Variants in ARFIP1 observed in about 807,000 individuals in gnomAD.
ARFIP1 encodes the protein ARF interacting protein 1.
A neutral mutation model predicts 42.5 loss-of-function variants in ARFIP1; 24 were observed. The ratio of observed to expected loss-of-function variants is 0.57; its 90% CI spans 0.41 to 0.80. ARFIP1 has a LOEUF of 0.80. ARFIP1 is among the 30% of genes least tolerant of loss of function. The probability of loss-of-function intolerance (pLI) is 0.00; values close to 1 mark genes in which losing one functional copy is unlikely to be tolerated. For missense variants in ARFIP1, 354 were observed against 434.0 expected, an observed-to-expected ratio of 0.82 and a Z score of 1.64; for synonymous variants, 141 against 153.7, an observed-to-expected ratio of 0.92 and a Z score of 0.61.
At chr4:152,833,826 G>C (rs2149849595) in intron 2 of ARFIP1, among the ~76,000 whole-genome samples, 1 of 152,338 alleles carries the variant, frequency 6.6e-6, no homozygotes, top group Non-Finnish European at 1.5e-5. Flanking sequence ...GAATCTTAAA[G>C]TTGAATTCAT....
intron 2 of ARFIP1, among the ~76,000 whole-genome samples, chr4:152,834,438 GTTA>G (rs1731488333): frequency 6.6e-6 from 1 of 152,168 alleles, no homozygotes; most frequent in African/African-American, 2.4e-5. Context: ...CCAAAAACAA[GTTA>G]TTTACTCCCA....
At chr4:152,820,282 A>G (rs967349454) in intron 1 of ARFIP1, among the ~76,000 whole-genome samples, 7 of 152,098 alleles carry the variant, frequency 4.6e-5, no homozygotes, top group South Asian at 2.1e-4. Flanking sequence ...TCCTACTGGC[A>G]TAAACCCTGA....
chr4:152,833,338 A>T (rs927965201), intron 2 of ARFIP1, among the ~76,000 whole-genome samples: 1 of 152,180 alleles, frequency 6.6e-6, no homozygotes, highest in Non-Finnish European at 1.5e-5. Flanking sequence ...CCTCAGTGAG[A>T]TATCAGTTCA....
At chr4:152,853,957 C>G (rs1733213134) in intron 2 of ARFIP1, among the ~76,000 whole-genome samples, 1 of 125,982 alleles carries the variant, frequency 7.9e-6, no homozygotes, top group Non-Finnish European at 1.6e-5. Flanking sequence ...ATCACCCAGG[C>G]TGGAGTGCAG....
intron 2 of ARFIP1, among the ~76,000 whole-genome samples, chr4:152,855,647 C>T (rs1002856720): frequency 1.1e-4 from 16 of 152,216 alleles, no homozygotes; most frequent in Admixed American, 8.5e-4. Flanking sequence ...GGCACCTTGC[C>T]GTATCTGCTT....
chr4:152,815,803 G>A (rs887570085), intron 1 of ARFIP1, among the ~76,000 whole-genome samples: 2 of 146,590 alleles, frequency 1.4e-5, no homozygotes, highest in Admixed American at 6.8e-5. Context: ...GGAGTGCAGT[G>A]GAGGGATCTC....
intron 1 of ARFIP1, among the ~76,000 whole-genome samples, chr4:152,806,804 T>C (rs897818658): frequency 6.7e-6 from 1 of 149,978 alleles, no homozygotes; most frequent in Non-Finnish European, 1.5e-5. Context: ...GCCTGACTTT[T>C]TTTTTTTTAG....
At chr4:152,861,139 T>C (rs1733857037) in intron 2 of ARFIP1, among the ~76,000 whole-genome samples, 1 of 152,202 alleles carries the variant, frequency 6.6e-6, no homozygotes, top group African/African-American at 2.4e-5. Context: ...TTCTAATAAA[T>C]GTTCATGGTT....
intron 1 of ARFIP1, among the ~76,000 whole-genome samples, chr4:152,813,310 G>A (rs980901890): frequency 3.3e-5 from 5 of 152,082 alleles, no homozygotes; most frequent in Non-Finnish European, 5.9e-5. Context: ...TGGGGAGTGT[G>A]GGCTGGGGGG....
At chr4:152,886,001 T>C (rs936113061) in intron 7 of ARFIP1, among the ~76,000 whole-genome samples, 7 of 152,030 alleles carry the variant, frequency 4.6e-5, no homozygotes, top group Admixed American at 2.0e-4. Flanking sequence ...AGCTCAAGAA[T>C]AGAGCCAAAA....
intron 2 of ARFIP1, among the ~76,000 whole-genome samples, chr4:152,832,358 T>A (rs1382462710): frequency 6.6e-6 from 1 of 152,254 alleles, no homozygotes; most frequent in Non-Finnish European, 1.5e-5. Context: ...TTCATATTCT[T>A]ATTGACCATT....
At chr4:152,825,973 C>T (rs1316610372) in intron 1 of ARFIP1, among the ~76,000 whole-genome samples, 5 of 151,960 alleles carry the variant, frequency 3.3e-5, no homozygotes, top group Non-Finnish European at 5.9e-5. Context: ...TTACCCCACC[C>T]AGAATGGCCA....
intron 1 of ARFIP1, among the ~76,000 whole-genome samples, chr4:152,801,265 G>A (rs1484798973): frequency 6.6e-6 from 1 of 152,192 alleles, no homozygotes; most frequent in Admixed American, 6.5e-5. Flanking sequence ...AGGAGTTGAT[G>A]TTTGAGCAGA....
intron 1 of ARFIP1, among the ~76,000 whole-genome samples, chr4:152,811,034 A>G (rs1729411544): frequency 6.8e-6 from 1 of 147,450 alleles, no homozygotes; most frequent in South Asian, 2.1e-4. Flanking sequence ...GAAATTGGCC[A>G]CTGTAGAAGT....
intron 2 of ARFIP1, among the ~76,000 whole-genome samples, chr4:152,859,946 G>A (rs1733753066): frequency 6.6e-6 from 1 of 151,014 alleles, no homozygotes; most frequent in Non-Finnish European, 1.5e-5. Context: ...AATAAGGGTG[G>A]AAATACTTAT....
chr4:152,873,614 A>G (rs1394986444), intron 5 of ARFIP1, among the ~76,000 whole-genome samples: 1 of 152,192 alleles, frequency 6.6e-6, no homozygotes, highest in Non-Finnish European at 1.5e-5. Flanking sequence ...CTGATTCCAC[A>G]TAGCCAGTCA....
Position 152,910,287 on chromosome 4 carries a change from C to A in ARFIP1, c.*68C>A, listed in dbSNP as rs989680570. ...CTAAACCAACCTAACAAGAATTAAG[C>A]AGAGTTGGGGGAAGTGGGAGGGGTG... On this transcript the variant is annotated 3_prime_UTR_variant, in exon 9 of 9. Coordinates refer to ENST00000353617, the MANE Select transcript of ARFIP1 (RefSeq NM_001025595.3). The A allele has an allele frequency of 2.6e-6, 4 of 1,538,432 alleles. 1 individual carries two copies.
intron 8 of ARFIP1, among the ~76,000 whole-genome samples, chr4:152,909,718 ATTTTCCCT>A (rs1488544334): frequency 6.6e-6 from 1 of 152,208 alleles, no homozygotes; most frequent in Non-Finnish European, 1.5e-5. Context: ...ATTATATATA[ATTTTCCCT>A]TTTTGATATC....
intron 3 of ARFIP1, among the ~76,000 whole-genome samples, chr4:152,869,774 GT>G (rs1381445413): frequency 6.6e-6 from 1 of 152,184 alleles, no homozygotes; most frequent in African/African-American, 2.4e-5. Context: ...GCTCAGAGAT[GT>G]TTAGTAATTT....
Sources: gnomAD v4.1 joint callset for allele counts (sites outside exome capture counted in the v4.1 genomes callset) on GRCh38, gnomAD v4.1.1 for gene constraint, MANE v1.5 for transcripts, NCBI Gene and HGNC (gene_info 2026-07-23, HGNC 2026-07-21) for gene names.